The following RECK variants were observed in gnomAD, a reference collection of about 807,000 sequenced individuals.
The protein encoded by RECK is reversion-inducing cysteine-rich protein with Kazal motifs.
A neutral mutation model predicts 115.1 loss-of-function variants in RECK; 69 were observed. That is an observed-to-expected ratio of 0.60 (90% confidence interval 0.49 to 0.73). RECK has a LOEUF of 0.73. Among genes scored for constraint, RECK ranks in the 30% least tolerant of loss-of-function variants. RECK has a pLI of 0.00. For synonymous variants in RECK, 414 were observed against 419.7 expected (o/e 0.99, Z 0.17); for missense variants, 1,047 against 1,203.7 (o/e 0.87, Z 1.93).
At chr9:36,057,078 T>C (rs551270742) in intron 2 of RECK, 7 of 926,750 alleles carry the variant, frequency 7.6e-6, no homozygotes, top group Middle Eastern at 5.5e-4. Flanking sequence ...CAAATTGTAA[T>C]TGCATAACGT....
rs193290650 is a variant in RECK, at chr9:36,116,970, A to G, written c.2061-15A>G. The G allele has an allele frequency of 1.2e-4, 190 of 1,598,216 alleles. 1 individual carries two copies. The African/African-American group carries it at 2.3e-3, about 19-fold the overall frequency. On this transcript the variant is annotated splice_polypyrimidine_tract_variant and intron_variant, in intron 16 of 20. Transcript: ENST00000377966. Reference sequence around the variant, plus strand: ...TCCCTACATTGGCTCATGGTGCTGCATTCGTCTTTTTCAGGTGCATACCCA... The same window carrying G: ...TCCCTACATTGGCTCATGGTGCTGCGTTCGTCTTTTTCAGGTGCATACCCA...
chr9:36,037,338 C>CCCACCGA (rs1820706496), intron 1 of RECK, among the ~76,000 whole-genome samples: 1 of 151,794 alleles, frequency 6.6e-6, no homozygotes, highest in South Asian at 2.1e-4. Context: ...TGGTCTGTCA[C>CCCACCGA]CCACCGACAC....
At chr9:36,065,746 T>C (rs1319214525) in intron 6 of RECK, 122 bp downstream of exon 6, 1 of 761,842 alleles carries the variant, frequency 1.3e-6, no homozygotes, top group Non-Finnish European at 1.9e-6. Flanking sequence ...TACAGAAAAT[T>C]TTGCATTGAC....
intron 14 of RECK, among the ~76,000 whole-genome samples, chr9:36,109,647 C>T (rs1823956483): frequency 6.6e-6 from 1 of 152,098 alleles, no homozygotes; most frequent in African/African-American, 2.4e-5. Flanking sequence ...CATTCAAGAC[C>T]AGCCTGGACA....
intron 2 of RECK, among the ~76,000 whole-genome samples, chr9:36,054,244 T>C (rs1821428267): frequency 6.6e-6 from 1 of 152,172 alleles, no homozygotes; most frequent in Admixed American, 6.5e-5. Context: ...AACAGCATTC[T>C]TGATGACTCT....
chr9:36,056,505 CT>C (rs1401371201), intron 2 of RECK, among the ~76,000 whole-genome samples: 2 of 152,094 alleles, frequency 1.3e-5, no homozygotes, highest in Non-Finnish European at 2.9e-5. Flanking sequence ...TCACATCCCC[CT>C]GGTGTCGTTT....
chr9:36,117,422 C>G (rs1024091611), intron 17 of RECK, among the ~76,000 whole-genome samples: 3 of 152,126 alleles, frequency 2.0e-5, no homozygotes, highest in African/African-American at 7.2e-5. Flanking sequence ...TTCTTGCAGT[C>G]CACTCCTAGG....
At chr9:36,112,122 C>CAAAAAAAAAAAA (rs58460262) in intron 15 of RECK, among the ~76,000 whole-genome samples, 183 bp from the exon 16 acceptor site, 1 of 71,648 alleles carries the variant, frequency 1.4e-5, no homozygotes. Flanking sequence ...GACTCCATCT[C>CAAAAAAAAAAAA]AAAAAAAAAA....
At chr9:36,080,477 A>T in intron 6 of RECK, 128 bp from the exon 7 acceptor site, 1 of 748,932 alleles carries the variant, frequency 1.3e-6, no homozygotes, top group Non-Finnish European at 2.2e-6. Flanking sequence ...CTGTGTTTTC[A>T]GTCTTGGATT....
chr9:36,082,482 TC>T (rs1383958068), intron 7 of RECK, among the ~76,000 whole-genome samples: 1 of 151,936 alleles, frequency 6.6e-6, no homozygotes, highest in African/African-American at 2.4e-5. Context: ...CTTAACCTCT[TC>T]CTCCCATACC....
At chr9:36,103,226 A>G (rs2132654008) in intron 12 of RECK, among the ~76,000 whole-genome samples, 1 of 152,344 alleles carries the variant, frequency 6.6e-6, no homozygotes, top group East Asian at 1.9e-4. Context: ...TGATCTGGCT[A>G]CAAAGGTAGA....
In RECK at chr9:36,059,188, G is replaced by T. The variant is rs570603646; in HGVS notation, c.234+287G>T. Reference sequence around the variant, plus strand: ...TATTTTATCTGGGGTCGGGCGTGGTGGCTGATGCCTGTAATCCCAGCACTT... The same window carrying T: ...TATTTTATCTGGGGTCGGGCGTGGTTGCTGATGCCTGTAATCCCAGCACTT... On this transcript the variant is annotated intron_variant, in intron 3 of 20. Transcript: ENST00000377966. Among the ~76,000 whole-genome samples the T allele has an allele frequency of 7.8e-4, 119 of 152,216 alleles. 1 individual carries two copies. Among genetic ancestry groups the T allele is most frequent in the African/African-American group, 2.4e-3 (100 of 41,536 alleles).
intron 1 of RECK, among the ~76,000 whole-genome samples, chr9:36,039,642 C>G (rs1291637971): frequency 1.3e-5 from 2 of 152,018 alleles, no homozygotes; most frequent in Non-Finnish European, 2.9e-5. Context: ...ATAATGGCTC[C>G]GTTTTTATTT....
chr9:36,069,036 C>T (rs1445317751), intron 6 of RECK, among the ~76,000 whole-genome samples: 2 of 151,958 alleles, frequency 1.3e-5, no homozygotes, highest in African/African-American at 4.8e-5. Context: ...TTTCAGACCT[C>T]TTGGGATTTC....
chr9:36,094,352 T>C lies in RECK; in HGVS notation c.1085+3009T>C, dbSNP rs112983392. On this transcript the variant is annotated intron_variant, in intron 10 of 20. Coordinates refer to ENST00000377966, the MANE Select transcript of RECK (RefSeq NM_021111.3). This position sits in a 1 kb window ranked among gnomAD's most constrained non-coding sequence, Gnocchi z 4.1. ...AGAGAGGTAAATAATTATACCGTTA[T>C]AAGTTTCTTACATTATTTGTGACAT... is the stretch of plus-strand genomic sequence containing the variant. 0.025 allele frequency among the ~76,000 whole-genome samples: 3,823 copies of C among 152,220 alleles called. 174 individuals are homozygous for C. The highest frequency in any genetic ancestry group is 0.086 in the African/African-American group (3,560 of 41,554).
chr9:36,042,797 A>G (rs1328671761), intron 1 of RECK, among the ~76,000 whole-genome samples: 5 of 152,074 alleles, frequency 3.3e-5, no homozygotes, highest in African/African-American at 1.2e-4. Flanking sequence ...CCTACCAGCA[A>G]TGTAAAAGTG....
At chr9:36,096,660 TAC>T (rs1310583480) in intron 10 of RECK, among the ~76,000 whole-genome samples, 1 of 151,908 alleles carries the variant, frequency 6.6e-6, no homozygotes, top group Non-Finnish European at 1.5e-5. Context: ...TTTCACACCC[TAC>T]ACAAAAAACT....
At chr9:36,043,601 A>G (rs923406571) in intron 1 of RECK, among the ~76,000 whole-genome samples, 5 of 151,988 alleles carry the variant, frequency 3.3e-5, no homozygotes, top group Non-Finnish European at 5.9e-5. Context: ...GCCTAATTCA[A>G]TGTCTAGGTG....
chr9:36,041,180 T>A (rs1023925006), intron 1 of RECK, among the ~76,000 whole-genome samples: 2 of 152,204 alleles, frequency 1.3e-5, no homozygotes, highest in Non-Finnish European at 2.9e-5. Flanking sequence ...TATTATGTGG[T>A]TATATTAGTA....
Sources: allele counts gnomAD v4.1 joint callset (sites outside exome capture counted in the v4.1 genomes callset), GRCh38; gene constraint gnomAD v4.1.1; non-coding constraint Gnocchi (gnomAD v3.1); transcripts MANE v1.5; gene names NCBI Gene and HGNC (gene_info 2026-07-23, HGNC 2026-07-21).